The following DNM2 variants were observed in gnomAD, a reference collection of about 807,000 sequenced individuals.
DNM2 encodes dynamin 2.
In DNM2, 15 loss-of-function variants were observed where a neutral mutation model predicts 99.0. That is an observed-to-expected ratio of 0.15 (90% CI 0.10 to 0.23). DNM2 has a LOEUF of 0.23. DNM2 is among the 10% of genes least tolerant of loss of function. The pLI, the probability that DNM2 is intolerant of heterozygous loss-of-function variation, is 1.00. For missense variants in DNM2, 742 were observed against 1,189.4 expected (o/e 0.62, Z 5.53); for synonymous variants, 525 against 481.2 (o/e 1.09, Z -1.19).
At chr19:10,826,279 G>C (rs2073140813) in intron 18 of DNM2, among the ~76,000 whole-genome samples, 1 of 152,184 alleles carries the variant, frequency 6.6e-6, no homozygotes, top group Non-Finnish European at 1.5e-5. Flanking sequence ...AACAAGGCCA[G>C]AGAGATCAAG....
At position 10,796,806 on chromosome 19, in the gene DNM2, A is replaced by G. The variant is rs965489950; in HGVS notation, c.1197-574A>G. 1.3e-5 allele frequency among the ~76,000 whole-genome samples: 2 copies of G among 151,778 alleles called. No homozygotes were observed. The highest frequency in any genetic ancestry group is 2.9e-5 in the Non-Finnish European group (2 of 67,968). ...GCGCTCTCGACGAGCCACTGCCTCC[A>G]CTCAGCAGGACGCGCCGGGCTCCCC... is the stretch of plus-strand genomic sequence containing the variant. On this transcript the variant is annotated intron_variant, in intron 9 of 20. Transcript: ENST00000389253. This position sits in a 1 kb window ranked among gnomAD's most constrained non-coding sequence, Gnocchi z 5.6.
intron 2 of DNM2, among the ~76,000 whole-genome samples, chr19:10,761,134 G>A (rs2070616773): frequency 6.6e-6 from 1 of 151,980 alleles, no homozygotes; most frequent in Non-Finnish European, 1.5e-5. Context: ...GACTACAGGT[G>A]TGTGTCACCA....
At position 10,831,062 on chromosome 19, in the gene DNM2, G is replaced by C; in HGVS notation, c.*15G>C. ...TGCTCGACTAGGCCTCGAGGGGGGC[G>C]TGCTCTCGGGGGGGCCTCACGCACC... On this transcript the variant is annotated 3_prime_UTR_variant, in exon 21 of 21. Transcript: ENST00000389253. The surrounding 1 kb of genome is among the most constrained non-coding windows in gnomAD (Gnocchi z 4.3). The C allele has an allele frequency of 2.5e-6, 4 of 1,591,120 alleles. No homozygotes were observed. The highest frequency in any genetic ancestry group is 3.4e-6 in the Non-Finnish European group (4 of 1,168,442).
chr19:10,783,864 C>T (rs2071466074), intron 6 of DNM2, among the ~76,000 whole-genome samples: 1 of 151,782 alleles, frequency 6.6e-6, no homozygotes, highest in Non-Finnish European at 1.5e-5. Flanking sequence ...CCACACCTGG[C>T]TAATTTTTGT....
chr19:10,761,789 C>G lies in DNM2; in HGVS notation c.235+1978C>G, dbSNP rs571661692. Among the ~76,000 whole-genome samples the G allele has an allele frequency of 3.9e-5, 6 of 152,292 alleles. No homozygotes were observed. The South Asian group carries it at 1.0e-3, about 26-fold the overall frequency. On this transcript the variant is annotated intron_variant, in intron 2 of 20. Coordinates refer to ENST00000389253, the MANE Select transcript of DNM2 (RefSeq NM_001005361.3). ...GACTCCTCACTTTCGTCCTCTGGCC[C>G]CGCCCAACCTGGCAAGAAGGCGTGT...
rs529373440 is a variant in DNM2 at position 10,759,266 on chromosome 19, C to G, written c.162-472C>G. Reference sequence around the variant, plus strand: ...CCTTCCCCTCCATTGGCAGTCACCCCCGTTCCCACATCCAGGTATCCACTG... The same window carrying G: ...CCTTCCCCTCCATTGGCAGTCACCCGCGTTCCCACATCCAGGTATCCACTG... On this transcript the variant is annotated intron_variant, in intron 1 of 20. Transcript: ENST00000389253. 1.1e-4 allele frequency among the ~76,000 whole-genome samples: 16 copies of G among 152,308 alleles called. No individual in the cohort carries two copies. In the East Asian group the frequency reaches 2.1e-3, roughly 20 times the overall value.
At chr19:10,789,598 T>A (rs1446608144) in intron 7 of DNM2, among the ~76,000 whole-genome samples, 1 of 151,802 alleles carries the variant, frequency 6.6e-6, no homozygotes, top group Non-Finnish European at 1.5e-5. Context: ...TTTGAGAGGC[T>A]TCAGTGGATG....
Position 10,812,173 on chromosome 19 carries a change from C to G in DNM2, c.1558-91C>G, listed in dbSNP as rs2072571263. 8.8e-7 allele frequency: 1 copy of G among 1,137,480 alleles called. No individual in the cohort carries two copies. 70.5% of individuals were successfully genotyped at this position (1,137,480 alleles called of 1,614,324 possible). On this transcript the variant is annotated intron_variant, in intron 14 of 20. Coordinates refer to ENST00000389253, the MANE Select transcript of DNM2 (RefSeq NM_001005361.3). This position sits in a 1 kb window ranked among gnomAD's most constrained non-coding sequence, Gnocchi z 4.0. ...GAGGTGTCTCTATTGCGGTCCCTGG[C>G]TTCCCACTGAGCTGTGGGCAAGGCT...
intron 1 of DNM2, among the ~76,000 whole-genome samples, chr19:10,754,388 G>T (rs1417375736): frequency 6.6e-6 from 1 of 150,500 alleles, no homozygotes; most frequent in Non-Finnish European, 1.5e-5. Flanking sequence ...GAGTAGCTGG[G>T]ACTACAGGCA....
At chr19:10,823,559 T>G in intron 16 of DNM2, 3 of 535,946 alleles carry the variant, frequency 5.6e-6, no homozygotes, top group Middle Eastern at 4.6e-4. Flanking sequence ...AAGAGAAGAG[T>G]CAGCTGATCC....
intron 1 of DNM2, among the ~76,000 whole-genome samples, chr19:10,742,537 G>A (rs535693738): frequency 2.1e-4 from 32 of 152,330 alleles, no homozygotes; most frequent in African/African-American, 6.5e-4. Flanking sequence ...AGTTCCTGCC[G>A]TGAGGCTGTG....
At chr19:10,724,939 G>T (rs573714396) in intron 1 of DNM2, among the ~76,000 whole-genome samples, 5 of 152,338 alleles carry the variant, frequency 3.3e-5, no homozygotes, top group African/African-American at 1.2e-4. Flanking sequence ...ATATGTGGAT[G>T]AGCCGCGGGG....
At chr19:10,786,456 C>A in intron 6 of DNM2, 108 bp from the exon 7 acceptor site, 1 of 1,548,096 alleles carries the variant, frequency 6.5e-7, no homozygotes, top group African/African-American at 1.4e-5. Flanking sequence ...GGTGTGGTGG[C>A]CGCATAGTGG....
chr19:10,770,393 T>C (rs935399417), intron 2 of DNM2, among the ~76,000 whole-genome samples: 3 of 152,204 alleles, frequency 2.0e-5, no homozygotes, highest in African/African-American at 7.2e-5. Flanking sequence ...CCAGTGTGAC[T>C]TATTACCCCT....
chr19:10,731,254 T>C (rs2069303846), intron 1 of DNM2, among the ~76,000 whole-genome samples: 1 of 151,898 alleles, frequency 6.6e-6, no homozygotes, highest in South Asian at 2.1e-4. Context: ...TTCTAGAGGG[T>C]CACAGCCTCC....
intron 7 of DNM2, among the ~76,000 whole-genome samples, chr19:10,788,382 G>A (rs1256629906): frequency 6.6e-6 from 1 of 152,230 alleles, no homozygotes; most frequent in African/African-American, 2.4e-5. Context: ...CCCTGTGGCT[G>A]GATGGAGTGA....
intron 2 of DNM2, among the ~76,000 whole-genome samples, chr19:10,763,882 G>T (rs2070714597): frequency 6.6e-6 from 1 of 152,156 alleles, no homozygotes; most frequent in African/African-American, 2.4e-5. Flanking sequence ...ATAGGGAGTG[G>T]CAGAGAGGCT....
At chr19:10,720,283 G>C (rs957979572) in intron 1 of DNM2, among the ~76,000 whole-genome samples, 8 of 150,920 alleles carry the variant, frequency 5.3e-5, no homozygotes, top group African/African-American at 1.7e-4. Flanking sequence ...AGCAATCTTG[G>C]CTCACTGCAA....
Position 10,785,268 on chromosome 19 carries a change from T to C in DNM2, c.850-1296T>C, listed in dbSNP as rs1317480827. 2.0e-5 allele frequency among the ~76,000 whole-genome samples: 3 copies of C among 151,084 alleles called. No individual in the cohort carries two copies. In the East Asian group the frequency reaches 5.8e-4, roughly 29 times the overall value. On this transcript the variant is annotated intron_variant, in intron 6 of 20. Transcript: ENST00000389253. ...GAGTAGCTGGGACTATAGGCACCCA[T>C]CACCACACCCGGCTAATTTTTTTTT...
Sources: allele counts gnomAD v4.1 joint callset (sites outside exome capture counted in the v4.1 genomes callset), GRCh38; gene constraint gnomAD v4.1.1; non-coding constraint Gnocchi (gnomAD v3.1); transcripts MANE v1.5; gene names NCBI Gene and HGNC (gene_info 2026-07-23, HGNC 2026-07-21).